Variants in WDPCP observed in about 807,000 individuals in gnomAD.
The protein encoded by WDPCP is WD repeat-containing and planar cell polarity effector protein fritz homolog.
A neutral mutation model predicts 93.1 loss-of-function variants in WDPCP; 71 were observed. The ratio of observed to expected loss-of-function variants is 0.76; its 90% CI spans 0.63 to 0.93. WDPCP has a LOEUF of 0.93. WDPCP is among the 40% of genes least tolerant of loss of function. The pLI, the probability that WDPCP is intolerant of heterozygous loss-of-function variation, is 0.00. For missense variants in WDPCP, 844 were observed against 887.4 expected (o/e 0.95, Z 0.62); for synonymous variants, 315 against 315.0 (o/e 1.00, Z 0.00).
At chr2:63,260,821 T>C (rs1258366294) in intron 13 of WDPCP, among the ~76,000 whole-genome samples, 1 of 152,224 alleles carries the variant, frequency 6.6e-6, no homozygotes, top group African/African-American at 2.4e-5. Context: ...GTGCTGGGAT[T>C]ACAGGCGTGA....
chr2:63,661,608 GCTTGAATCAT>G (rs1469298384), intron 2 of WDPCP, among the ~76,000 whole-genome samples: 1 of 152,172 alleles, frequency 6.6e-6, no homozygotes, highest in Non-Finnish European at 1.5e-5. Flanking sequence ...GACATGTATT[GCTTGAATCAT>G]CTTAAATACA....
At chr2:63,224,245 A>G (rs552742364) in intron 14 of WDPCP, among the ~76,000 whole-genome samples, 1 of 151,780 alleles carries the variant, frequency 6.6e-6, no homozygotes, top group Middle Eastern at 3.4e-3. Context: ...CACACTCATG[A>G]CATAAAATGC....
intron 3 of WDPCP, chr2:63,622,932 C>G: frequency 1.0e-6 from 1 of 988,270 alleles, no homozygotes; most frequent in Non-Finnish European, 1.5e-6. Flanking sequence ...CGCACACCTG[C>G]TGCCAGGCTC....
rs544277083 is a variant in WDPCP at position 63,799,428 on chromosome 2, T to C, written n.308+14194A>G. ...AGTGATTTGCCCAAGATCTCAGAGT[T>C]AGTGGCAGTTTTTGGAATATACCAA... On this transcript the variant is annotated intron_variant and non_coding_transcript_variant, in intron 2 of 4. Coordinates refer to the WDPCP transcript ENST00000467687. Among the ~76,000 whole-genome samples, 6 of 152,350 alleles carry C rather than the reference T, an allele frequency of 3.9e-5. No homozygotes were observed. In the South Asian group the frequency reaches 1.2e-3, roughly 32 times the overall value.
chr2:63,700,550 C>T (rs556360421), intron 2 of WDPCP, among the ~76,000 whole-genome samples: 1 of 152,232 alleles, frequency 6.6e-6, no homozygotes, highest in South Asian at 2.1e-4. Context: ...ATTATGCTTT[C>T]GTGCTGAACA....
At chr2:63,247,927 T>C (rs12329071) in intron 14 of WDPCP, among the ~76,000 whole-genome samples, 210 of 152,264 alleles carry the variant, frequency 1.4e-3, no homozygotes, top group Middle Eastern at 0.01. Flanking sequence ...ACACACTCGA[T>C]AGTTATTTTC....
At chr2:63,554,813 A>G (rs1705955044) in intron 1 of WDPCP, among the ~76,000 whole-genome samples, 1 of 152,162 alleles carries the variant, frequency 6.6e-6, no homozygotes, top group Non-Finnish European at 1.5e-5. Flanking sequence ...GGGACTGACT[A>G]GGCAGCTGGT....
intron 3 of WDPCP, among the ~76,000 whole-genome samples, chr2:63,644,203 G>T (rs1710019679): frequency 6.6e-6 from 1 of 150,910 alleles, no homozygotes; most frequent in African/African-American, 2.4e-5. Flanking sequence ...GGTAATACTG[G>T]CCTCACAGAA....
intron 2 of WDPCP, among the ~76,000 whole-genome samples, chr2:63,488,504 T>C (rs537143085): frequency 6.6e-6 from 1 of 152,208 alleles, no homozygotes; most frequent in South Asian, 2.1e-4. Flanking sequence ...TGTCTACTGG[T>C]TAGACTGAAT....
intron 12 of WDPCP, among the ~76,000 whole-genome samples, chr2:63,319,557 A>G (rs1202987128): frequency 2.0e-5 from 3 of 152,184 alleles, no homozygotes; most frequent in Non-Finnish European, 2.9e-5. Context: ...AACTTAAATC[A>G]GAGAACCACC....
At position 63,491,504 on chromosome 2, in the gene WDPCP, A is replaced by G. The variant is rs184178978; in HGVS notation, c.160+1352T>C. Among the ~76,000 whole-genome samples, 122 of 152,288 alleles carry G rather than the reference A, an allele frequency of 8.0e-4. 2 individuals carry two copies. The East Asian group carries it at 0.013, about 16-fold the overall frequency. On this transcript the variant is annotated intron_variant, in intron 2 of 17. Coordinates refer to ENST00000272321, the MANE Select transcript of WDPCP (RefSeq NM_015910.7). ...GGTCTTGCAGTCATTCCAGAGAGGA[A>G]TATCTCAAGCTCCTTCTTTCTTGGA...
chr2:63,400,481 C>G (rs1694064900), intron 10 of WDPCP, among the ~76,000 whole-genome samples: 1 of 152,106 alleles, frequency 6.6e-6, no homozygotes, highest in Non-Finnish European at 1.5e-5. Flanking sequence ...AACTGTATAT[C>G]TGACAAAGGT....
At chr2:63,295,083 TTATAG>T (rs1684742694) in intron 13 of WDPCP, among the ~76,000 whole-genome samples, 3 of 152,266 alleles carry the variant, frequency 2.0e-5, no homozygotes, top group Non-Finnish European at 2.9e-5. Flanking sequence ...TAAATCCAAA[TTATAG>T]CCTTATAACT....
chr2:63,201,254 G>A (rs1364483588), intron 14 of WDPCP, among the ~76,000 whole-genome samples: 1 of 152,010 alleles, frequency 6.6e-6, no homozygotes, highest in Non-Finnish European at 1.5e-5. Flanking sequence ...GTTTCCTGAG[G>A]CCTCCCCAGC....
At chr2:63,488,494 T>C (rs1700696783) in intron 2 of WDPCP, among the ~76,000 whole-genome samples, 1 of 152,144 alleles carries the variant, frequency 6.6e-6, no homozygotes, top group Non-Finnish European at 1.5e-5. Flanking sequence ...ATGCAGTTTA[T>C]GTCTACTGGT....
chr2:63,159,903 A>T (rs769979497), intron 15 of WDPCP, among the ~76,000 whole-genome samples: 45 of 152,196 alleles, frequency 3.0e-4, no homozygotes, highest in Non-Finnish European at 6.2e-4. Flanking sequence ...TTGTTTTCAC[A>T]AGCTTTCATG....
intron 1 of WDPCP, among the ~76,000 whole-genome samples, chr2:63,496,595 T>G (rs1450165718): frequency 6.6e-6 from 1 of 152,194 alleles, no homozygotes; most frequent in Non-Finnish European, 1.5e-5. Flanking sequence ...GTCTATGACC[T>G]GGACTTGTCT....
At chr2:63,191,189 G>A (rs557051074) in intron 14 of WDPCP, among the ~76,000 whole-genome samples, 2 of 152,188 alleles carry the variant, frequency 1.3e-5, no homozygotes, top group South Asian at 2.1e-4. Flanking sequence ...TCAGGAGATC[G>A]AGACCGTCCT....
intron 13 of WDPCP, among the ~76,000 whole-genome samples, chr2:63,261,462 T>C (rs542876105): frequency 2.6e-5 from 4 of 152,304 alleles, no homozygotes; most frequent in South Asian, 4.1e-4. Context: ...TACTCATGGA[T>C]TGATATCAGT....
Sources: gnomAD v4.1 joint callset for allele counts (sites outside exome capture counted in the v4.1 genomes callset) on GRCh38, gnomAD v4.1.1 for gene constraint, MANE v1.5 for transcripts, NCBI Gene and HGNC (gene_info 2026-07-23, HGNC 2026-07-21) for gene names.